The following HMGA2 variants were observed in gnomAD, a reference collection of about 807,000 sequenced individuals.
The protein encoded by HMGA2 is high mobility group protein HMGI-C.
In HMGA2, 8 loss-of-function variants were observed where a neutral mutation model predicts 19.1. The observed-to-expected ratio is 0.42, with a 90% CI of 0.25 to 0.76. The LOEUF (loss-of-function observed/expected upper bound fraction) is 0.76. HMGA2 is among the 30% of genes least tolerant of loss of function. The pLI, the probability that HMGA2 is intolerant of heterozygous loss-of-function variation, is 0.28. For synonymous variants in HMGA2, 60 were observed against 48.8 expected (o/e 1.23, Z -0.96); for missense variants, 109 against 136.3 (o/e 0.80, Z 1.00).
intron 3 of HMGA2, among the ~76,000 whole-genome samples, chr12:65,895,027 A>G (rs1284575299): frequency 6.6e-6 from 1 of 152,210 alleles, no homozygotes; most frequent in Non-Finnish European, 1.5e-5. Flanking sequence ...TTTAAAACAA[A>G]TTGTAAAATG....
intron 3 of HMGA2, among the ~76,000 whole-genome samples, chr12:65,899,670 A>C (rs1874292392): frequency 6.6e-6 from 1 of 152,230 alleles, no homozygotes; most frequent in South Asian, 2.1e-4. Context: ...TAGACATTTT[A>C]TCATGGTCTG....
In HMGA2 at chr12:65,824,651, G is replaced by C; in HGVS notation, c.-620G>C. 4.3e-6 allele frequency: 1 copy of C among 231,544 alleles called. No homozygotes were observed. Among genetic ancestry groups the C allele is most frequent in the Non-Finnish European group, 8.4e-6 (1 of 118,350 alleles). The allele number at this position is 231,544 out of a possible 1,614,324, so 14.3% of individuals were successfully genotyped here. ...TGTGCTCCGTGCCCGACCCTATCCCGGCGGAGTCTCCCCATCCTCCTTTGC... is the reference window on the plus strand; with the variant it reads ...TGTGCTCCGTGCCCGACCCTATCCCCGCGGAGTCTCCCCATCCTCCTTTGC... On this transcript the variant is annotated 5_prime_UTR_variant, in exon 1 of 5. Coordinates refer to ENST00000403681, the MANE Select transcript of HMGA2 (RefSeq NM_003483.6).
intron 3 of HMGA2, chr12:65,914,790 T>A (rs766968493): frequency 4.8e-5 from 19 of 399,296 alleles, no homozygotes; most frequent in South Asian, 4.0e-4. Context: ...TTCTCCTGCC[T>A]CAGGCTCCTG....
intron 1 of HMGA2, among the ~76,000 whole-genome samples, chr12:65,827,319 G>A (rs1158085161): frequency 6.6e-6 from 1 of 152,158 alleles, no homozygotes; most frequent in African/African-American, 2.4e-5. Context: ...AATTTAGACT[G>A]GAGGCCATGC....
chr12:65,921,495 C>T (rs1875308831), intron 3 of HMGA2, among the ~76,000 whole-genome samples: 1 of 152,192 alleles, frequency 6.6e-6, no homozygotes, highest in Non-Finnish European at 1.5e-5. Context: ...GACCCGCCCG[C>T]CTTGGCCTCC....
intron 3 of HMGA2, among the ~76,000 whole-genome samples, chr12:65,904,440 A>G (rs1874501620): frequency 6.6e-6 from 1 of 152,198 alleles, no homozygotes; most frequent in Non-Finnish European, 1.5e-5. Flanking sequence ...AGCATTCAGA[A>G]TCAAGACAGT....
At chr12:65,934,224 A>G (rs1379845160) in intron 3 of HMGA2, among the ~76,000 whole-genome samples, 2 of 152,250 alleles carry the variant, frequency 1.3e-5, no homozygotes, top group Admixed American at 6.5e-5. Flanking sequence ...GAATTTATAC[A>G]GATTTTCAAC....
chr12:65,903,094 A>C (rs1874440848), intron 3 of HMGA2, among the ~76,000 whole-genome samples: 1 of 152,190 alleles, frequency 6.6e-6, no homozygotes, highest in African/African-American at 2.4e-5. Context: ...GTTTTTTTAA[A>C]GAAACAAGCA....
At chr12:65,866,640 C>T (rs1872430082) in intron 3 of HMGA2, among the ~76,000 whole-genome samples, 1 of 152,040 alleles carries the variant, frequency 6.6e-6, no homozygotes, top group Non-Finnish European at 1.5e-5. Flanking sequence ...TTTGTGATAC[C>T]CATGTAACTA....
chr12:65,951,842 T>C (rs994775517), intron 4 of HMGA2: 2 of 168,678 alleles, frequency 1.2e-5, no homozygotes, highest in African/African-American at 4.8e-5. Flanking sequence ...TCATAATATT[T>C]GATGATCCCA....
At chr12:65,920,180 T>C (rs1875254018) in intron 3 of HMGA2, among the ~76,000 whole-genome samples, 1 of 151,756 alleles carries the variant, frequency 6.6e-6, no homozygotes, top group African/African-American at 2.4e-5. Flanking sequence ...GAGAGATGAG[T>C]CCGGGGTAGA....
chr12:65,950,175 T>C (rs1876409541), intron 3 of HMGA2, among the ~76,000 whole-genome samples: 1 of 152,130 alleles, frequency 6.6e-6, no homozygotes, highest in African/African-American at 2.4e-5. Flanking sequence ...AAACAAAGAA[T>C]TACAATATGA....
chr12:65,918,700 G>A (rs748451410), intron 3 of HMGA2, among the ~76,000 whole-genome samples: 10 of 152,158 alleles, frequency 6.6e-5, no homozygotes, highest in Non-Finnish European at 1.2e-4. Flanking sequence ...ACAAATTTCA[G>A]GAGGCTGGAG....
intron 3 of HMGA2, among the ~76,000 whole-genome samples, chr12:65,850,109 GT>G (rs1197287519): frequency 6.6e-6 from 1 of 152,142 alleles, no homozygotes; most frequent in African/African-American, 2.4e-5. Flanking sequence ...CAGGCTTAAA[GT>G]TTTGTGCCTT....
intron 3 of HMGA2, among the ~76,000 whole-genome samples, chr12:65,935,548 T>C (rs1360348262): frequency 6.6e-6 from 1 of 152,142 alleles, no homozygotes; most frequent in Admixed American, 6.5e-5. Flanking sequence ...GACATCATAG[T>C]GTGAATACTT....
chr12:65,962,253 C>T (rs1436787450), intron 4 of HMGA2, among the ~76,000 whole-genome samples: 1 of 152,208 alleles, frequency 6.6e-6, no homozygotes, highest in Non-Finnish European at 1.5e-5. Context: ...CTTTACCACC[C>T]ATGTCCTGAA....
intron 3 of HMGA2, chr12:65,866,755 C>G (rs1477402332): frequency 4.4e-6 from 2 of 452,280 alleles, no homozygotes; most frequent in Non-Finnish European, 8.9e-6. Context: ...AATAGTCATT[C>G]TTCTTTTCAG....
At chr12:65,924,013 AAAAAC>A (rs1329696720) in intron 3 of HMGA2, among the ~76,000 whole-genome samples, 3 of 152,112 alleles carry the variant, frequency 2.0e-5, no homozygotes, top group Admixed American at 1.3e-4. Flanking sequence ...CCCATCTCAA[AAAAAC>A]AAAACAAAAC....
chr12:65,890,582 T>C (rs1331068940), intron 3 of HMGA2, among the ~76,000 whole-genome samples: 2 of 152,274 alleles, frequency 1.3e-5, no homozygotes, highest in Admixed American at 6.5e-5. Context: ...AAGCTACATA[T>C]ACCATGAAAA....
Sources: allele counts gnomAD v4.1 joint callset (sites outside exome capture counted in the v4.1 genomes callset), GRCh38; gene constraint gnomAD v4.1.1; transcripts MANE v1.5; gene names NCBI Gene and HGNC (gene_info 2026-07-23, HGNC 2026-07-21).